Variants in FLVCR2 observed in about 807,000 individuals in gnomAD.
FLVCR2 encodes the protein choline/ethanolamine transporter FLVCR2.
FLVCR2 carries 38 observed loss-of-function variants against 48.9 expected under a neutral mutation model. The ratio of observed to expected loss-of-function variants is 0.78; its 90% CI spans 0.60 to 1.02. The LOEUF is 1.02. FLVCR2 is among the 50% of genes least tolerant of loss of function. The pLI, the probability that FLVCR2 is intolerant of heterozygous loss-of-function variation, is 0.00. For missense variants in FLVCR2, 664 were observed against 663.3 expected (o/e 1.00, Z -0.01); for synonymous variants, 255 against 257.0 (o/e 0.99, Z 0.07).
chr14:75,578,899 C>T lies in FLVCR2; in HGVS notation c.-74C>T. On this transcript the variant is annotated 5_prime_UTR_variant, in exon 1 of 10. Transcript: ENST00000238667. ...AAGTGTCCTTTCAACTCTAAGAGACCAGCAGAGGCCACTGTCCCTTAAGAC... is the reference window on the plus strand; with the variant it reads ...AAGTGTCCTTTCAACTCTAAGAGACTAGCAGAGGCCACTGTCCCTTAAGAC... 7.3e-7 allele frequency: 1 copy of T among 1,370,086 alleles called. No homozygotes were observed. The highest frequency in any genetic ancestry group is 1.0e-6 in the Non-Finnish European group (1 of 960,600). 84.9% of individuals were successfully genotyped at this position (1,370,086 alleles called of 1,614,324 possible). A position where few individuals can be genotyped will look rare whatever the true frequency, so the allele number is the denominator to read the frequency against.
intron 1 of FLVCR2, among the ~76,000 whole-genome samples, chr14:75,604,922 C>T (rs1028991702): frequency 5.9e-5 from 9 of 152,098 alleles, no homozygotes; most frequent in Non-Finnish European, 7.3e-5. Flanking sequence ...TCCCAGAGTG[C>T]GGTGATGAAG....
intron 3 of FLVCR2, among the ~76,000 whole-genome samples, chr14:75,629,345 A>AG (rs1889980709): frequency 6.6e-6 from 1 of 152,070 alleles, no homozygotes. Context: ...TTCAGTTTAG[A>AG]GGGGGAGAGG....
chr14:75,584,461 T>C (rs1420163091), intron 1 of FLVCR2, among the ~76,000 whole-genome samples: 2 of 152,236 alleles, frequency 1.3e-5, no homozygotes, highest in Non-Finnish European at 2.9e-5. Context: ...GTAAAGCGTC[T>C]AAGGGTTGCT....
intron 2 of FLVCR2, among the ~76,000 whole-genome samples, chr14:75,623,024 C>T (rs1889803948): frequency 6.6e-6 from 1 of 152,056 alleles, no homozygotes; most frequent in Non-Finnish European, 1.5e-5. Context: ...CTCTGTCACC[C>T]AGGCTGGAGT....
At chr14:75,604,736 G>C (rs906016255) in intron 1 of FLVCR2, among the ~76,000 whole-genome samples, 1 of 152,164 alleles carries the variant, frequency 6.6e-6, no homozygotes, top group Non-Finnish European at 1.5e-5. Flanking sequence ...AAGCAGGGCA[G>C]CTTCCTTAAG....
intron 1 of FLVCR2, among the ~76,000 whole-genome samples, chr14:75,600,334 T>A (rs184464311): frequency 8.3e-4 from 127 of 152,316 alleles, no homozygotes; most frequent in African/African-American, 3.0e-3. Flanking sequence ...AACTCATGAA[T>A]AATCCACATC....
chr14:75,628,458 C>A (rs186499603), intron 3 of FLVCR2, among the ~76,000 whole-genome samples: 10 of 152,316 alleles, frequency 6.6e-5, no homozygotes, highest in Non-Finnish European at 1.2e-4. Flanking sequence ...TCCTCCTAAT[C>A]CCCTTGCAGT....
chr14:75,642,760 G>A (rs1057221302), intron 9 of FLVCR2, among the ~76,000 whole-genome samples: 16 of 152,106 alleles, frequency 1.1e-4, no homozygotes, highest in African/African-American at 3.6e-4. Context: ...TAATATATAC[G>A]TGGATATATG....
At chr14:75,605,536 C>T in intron 1 of FLVCR2, 1 of 1,535,822 alleles carries the variant, frequency 6.5e-7, no homozygotes, top group Non-Finnish European at 8.7e-7. Context: ...CAGCCTCTCA[C>T]CCCAACACAA....
chr14:75,587,116 A>G (rs1050252650), intron 1 of FLVCR2, among the ~76,000 whole-genome samples: 7 of 152,158 alleles, frequency 4.6e-5, no homozygotes, highest in African/African-American at 1.7e-4. Flanking sequence ...TTTTTCATCC[A>G]TTATTTAACT....
At chr14:75,615,517 G>A (rs72723668) in intron 1 of FLVCR2, among the ~76,000 whole-genome samples, 11,027 of 152,210 alleles carry the variant, frequency 0.072, 585 homozygotes, top group Non-Finnish European at 0.11. Flanking sequence ...GCCTCAGCCC[G>A]ATGAGCTAGG....
At chr14:75,604,291 T>A (rs1889238416) in intron 1 of FLVCR2, 1 of 152,246 alleles carries the variant, frequency 6.6e-6, no homozygotes, top group Non-Finnish European at 1.5e-5. Flanking sequence ...CTGTGTACCC[T>A]TTGACAAGTC....
At chr14:75,622,677 G>A (rs181778516) in intron 2 of FLVCR2, among the ~76,000 whole-genome samples, 1 of 152,124 alleles carries the variant, frequency 6.6e-6, no homozygotes, top group East Asian at 1.9e-4. Context: ...TAGATAGCTC[G>A]TAAGTGGCAG....
chr14:75,595,727 T>G (rs1198778073), intron 1 of FLVCR2: 1 of 619,712 alleles, frequency 1.6e-6, no homozygotes, highest in Non-Finnish European at 2.9e-6. Flanking sequence ...TTTTTGTGTT[T>G]TCACATGAAA....
intron 1 of FLVCR2, among the ~76,000 whole-genome samples, chr14:75,581,181 C>T (rs951984229): frequency 5.9e-5 from 9 of 151,936 alleles, no homozygotes; most frequent in Admixed American, 2.6e-4. Flanking sequence ...GGCCTGGATG[C>T]GGTTTTGTAT....
intron 1 of FLVCR2, among the ~76,000 whole-genome samples, chr14:75,610,931 A>G (rs1448903028): frequency 3.9e-5 from 6 of 152,188 alleles, no homozygotes; most frequent in African/African-American, 9.7e-5. Flanking sequence ...AGCAGCCTGG[A>G]AAGACTTGAG....
intron 1 of FLVCR2, among the ~76,000 whole-genome samples, chr14:75,599,687 C>G (rs10132427): frequency 6.6e-6 from 1 of 152,168 alleles, no homozygotes; most frequent in East Asian, 1.9e-4. Context: ...GGAGATCTCA[C>G]ACTTTCTGAT....
intron 1 of FLVCR2, among the ~76,000 whole-genome samples, chr14:75,619,076 T>C (rs7146338): frequency 0.48 from 72,261 of 151,560 alleles, 21,527 homozygotes; most frequent in Non-Finnish European, 0.66. Context: ...ATACAAAAAT[T>C]AGCCAGGCAT....
chr14:75,628,476 T>C (rs1272929196), intron 3 of FLVCR2, among the ~76,000 whole-genome samples: 1 of 152,198 alleles, frequency 6.6e-6, no homozygotes, highest in Non-Finnish European at 1.5e-5. Flanking sequence ...AGTTTCAGAT[T>C]GGACTTTGAA....
Sources: allele counts gnomAD v4.1 joint callset (sites outside exome capture counted in the v4.1 genomes callset), GRCh38; gene constraint gnomAD v4.1.1; transcripts MANE v1.5; gene names NCBI Gene and HGNC (gene_info 2026-07-23, HGNC 2026-07-21).